The following METTL9 variants were observed in gnomAD, a reference collection of about 807,000 sequenced individuals.
METTL9 encodes the protein methyltransferase 9, His-X-His N1(pi)-histidine, also known as protein-L-histidine N-pros-methyltransferase.
In METTL9, 10 loss-of-function variants were observed where a neutral mutation model predicts 36.0. The observed-to-expected ratio is 0.28, with a 90% CI of 0.17 to 0.47. The LOEUF (loss-of-function observed/expected upper bound fraction) is 0.47, where lower values mean the gene tolerates loss of function less well. Ranked by LOEUF, METTL9 falls within the 20% of genes least tolerant of loss-of-function variation. The pLI is 0.99. For synonymous variants in METTL9, 175 were observed against 149.7 expected, an observed-to-expected ratio of 1.17 and a Z score of -1.23; for missense variants, 246 against 383.5, an observed-to-expected ratio of 0.64 and a Z score of 3.00.
Position 21,599,864 on chromosome 16 carries a change from CG to C in METTL9, c.133del (p.Ala45ArgfsTer41). Reference sequence around the variant, plus strand: ...ATGACTAGCGGCCCGGGTGGGCCGGCGGCGGCCGCGGGCGGCAGGAAGGAGA... The same window carrying C: ...ATGACTAGCGGCCCGGGTGGGCCGGCGCGGCCGCGGGCGGCAGGAAGGAGA... Reference protein sequence around the residue: ...VNMTSGPGGPAAAAGGRKENH... With the variant: ...VNMTSGPGGPXAAAGGRKENH... On this transcript the variant is annotated frameshift_variant, in exon 1 of 5. Coordinates refer to ENST00000358154, the MANE Select transcript of METTL9 (RefSeq NM_016025.5). LOFTEE classifies it high-confidence loss of function. This position sits in a 1 kb window ranked among gnomAD's most constrained non-coding sequence, Gnocchi z 4.4. 6.7e-7 allele frequency: 1 copy of C among 1,485,706 alleles called. No individual in the cohort carries two copies. Among genetic ancestry groups the C allele is most frequent in the Non-Finnish European group, 8.9e-7 (1 of 1,122,704 alleles). The allele number at this position is 1,485,706 out of a possible 1,614,324, so 92.0% of individuals were successfully genotyped here.
rs1167632973 is a variant in METTL9 at position 21,655,345 on chromosome 16, C to T, written c.870C>T (p.Phe290=). The change falls in exon 5 of 5, where the codon TTC becomes TTT. Residue 290 remains phenylalanine, a synonymous_variant. Transcript: ENST00000358154. ...AAGCTGGTTTTGTTATCGAAGCTTT[C>T]ACCAGACTACCATACCTGTGTGAAG... ...FRKAGFVIEA[F]TRLPYLCEGD... The T allele has an allele frequency of 3.7e-6, 6 of 1,614,238 alleles. No individual in the cohort carries two copies. The South Asian group carries it at 5.5e-5, about 15-fold the overall frequency.
At chr16:21,599,297 C>T (rs1195336668), upstream of METTL9, among the ~76,000 whole-genome samples, 2 of 152,176 alleles carry the variant, frequency 1.3e-5, no homozygotes, top group Non-Finnish European at 2.9e-5. This position sits in a 1 kb window ranked among gnomAD's most constrained non-coding sequence, Gnocchi z 4.4. Flanking sequence ...GCAGTTACCG[C>T]CTTCGGAAGT....
At chr16:21,604,011 C>G (rs1415642128) in intron 1 of METTL9, among the ~76,000 whole-genome samples, 2 of 152,164 alleles carry the variant, frequency 1.3e-5, no homozygotes, top group East Asian at 3.8e-4. Flanking sequence ...GAGCCAAACA[C>G]TGTGCTAAAG....
rs760395099 is a variant in METTL9, at chr16:21,612,600, G to A, written c.166-45G>A. 12 of 1,440,818 alleles carry A rather than the reference G, an allele frequency of 8.3e-6. No homozygotes were observed. The South Asian group carries it at 1.1e-4, about 13-fold the overall frequency. 89.3% of individuals were successfully genotyped at this position (1,440,818 alleles called of 1,614,324 possible). ...TTTTGGATTTCTTAGGTGACACTTC[G>A]GTTGTGTGTTTTAATTTTTGTTCTT... On this transcript the variant is annotated intron_variant, in intron 1 of 4. Transcript: ENST00000358154.
At chr16:21,644,084 C>T (rs1181371015) in intron 4 of METTL9, among the ~76,000 whole-genome samples, 2 of 152,114 alleles carry the variant, frequency 1.3e-5, no homozygotes, top group African/African-American at 4.8e-5. Context: ...AAACTATGTC[C>T]CCTGGCTAAT....
chr16:21,635,524 G>GTATTTCACTCCATT (rs1966069498), intron 4 of METTL9, among the ~76,000 whole-genome samples: 1 of 152,116 alleles, frequency 6.6e-6, no homozygotes, highest in Admixed American at 6.6e-5. Context: ...TGGACATAAG[G>GTATTTCACTCCATT]TATTTCACTC....
chr16:21,656,275 T>C lies in METTL9; in HGVS notation c.*843T>C, dbSNP rs1966708110. The C allele has an allele frequency of 6.7e-6, 1 of 150,348 alleles. No homozygotes were observed. Among genetic ancestry groups the C allele is most frequent in the Non-Finnish European group, 1.5e-5 (1 of 67,848 alleles). 9.3% of individuals were successfully genotyped at this position (150,348 alleles called of 1,614,324 possible). On this transcript the variant is annotated 3_prime_UTR_variant, in exon 5 of 5. Transcript: ENST00000358154. ...TGTCCCATACACTGAACTTTGTTTTTTTCTGGACAATCTCAGGTTCTCAGA... is the reference window on the plus strand; with the variant it reads ...TGTCCCATACACTGAACTTTGTTTTCTTCTGGACAATCTCAGGTTCTCAGA...
intron 2 of METTL9, among the ~76,000 whole-genome samples, chr16:21,613,422 A>C (rs117314255): frequency 3.3e-5 from 5 of 151,786 alleles, no homozygotes; most frequent in Admixed American, 1.3e-4. Context: ...CAAGTGATCC[A>C]TCCACCTTTG....
At chr16:21,599,448 G>A, upstream of METTL9, 2 of 1,150,790 alleles carry the variant, frequency 1.7e-6, no homozygotes, top group South Asian at 3.3e-5. The surrounding 1 kb of genome is among the most constrained non-coding windows in gnomAD (Gnocchi z 4.4). Context: ...ATTGGACGGA[G>A]GGAGGGCGCC....
chr16:21,597,978 T>C (rs905068394), upstream of METTL9: 1 of 152,164 alleles, frequency 6.6e-6, no homozygotes, highest in African/African-American at 2.4e-5. Context: ...TTTTTGTTTG[T>C]TGTTACAGCC....
At chr16:21,602,369 G>A (rs533134139) in intron 1 of METTL9, among the ~76,000 whole-genome samples, 1 of 152,242 alleles carries the variant, frequency 6.6e-6, no homozygotes, top group African/African-American at 2.4e-5. Context: ...AGGCTCCTTT[G>A]GGCTAAAGCT....
intron 4 of METTL9, among the ~76,000 whole-genome samples, chr16:21,632,168 TGG>T (rs1488350450): frequency 2.6e-5 from 4 of 152,236 alleles, no homozygotes; most frequent in African/African-American, 4.8e-5. Context: ...AATTGCCTTG[TGG>T]TATTTAATGG....
At chr16:21,613,266 C>T (rs528010221) in intron 2 of METTL9, among the ~76,000 whole-genome samples, 5 of 146,646 alleles carry the variant, frequency 3.4e-5, no homozygotes, top group African/African-American at 1.3e-4. Flanking sequence ...TCACTGCAGC[C>T]TCCGCCTCCC....
At chr16:21,634,699 T>C (rs1966043057) in intron 4 of METTL9, among the ~76,000 whole-genome samples, 1 of 152,194 alleles carries the variant, frequency 6.6e-6, no homozygotes. Context: ...TCCTGATATC[T>C]GCAGCCGATT....
Position 21,625,130 on chromosome 16 carries a change from T to C in METTL9, c.751+15T>C. ...TGTGGAAAACGGTAAGTGTGGTCAG[T>C]CAGGCTAGCTCTTACTGAGGATAGC... On this transcript the variant is annotated intron_variant, in intron 4 of 4. Coordinates refer to ENST00000358154, the MANE Select transcript of METTL9 (RefSeq NM_016025.5). 1 of 1,613,110 alleles carries C rather than the reference T, an allele frequency of 6.2e-7. No individual in the cohort carries two copies.
At position 21,612,856 on chromosome 16, in the gene METTL9, T is replaced by A. The variant is rs1000354054; in HGVS notation, c.356+21T>A. 2.6e-6 allele frequency: 4 copies of A among 1,548,246 alleles called. No individual in the cohort carries two copies. In the East Asian group the frequency reaches 9.3e-5, roughly 36 times the overall value. ...AATGGGTAAGTGAATCTTGGACATT[T>A]ATTTTTTTCTTTATCCTTAGGTTTA... On this transcript the variant is annotated intron_variant, in intron 2 of 4. Coordinates refer to ENST00000358154, the MANE Select transcript of METTL9 (RefSeq NM_016025.5).
At chr16:21,624,894 G>A (rs1965784186) in intron 3 of METTL9, 37 bp from the exon 4 acceptor site, 1 of 1,574,596 alleles carries the variant, frequency 6.4e-7, no homozygotes, top group East Asian at 2.2e-5. Flanking sequence ...TCTTTAGAGG[G>A]ACTTTATGTT....
chr16:21,630,526 A>T (rs779156895), intron 4 of METTL9, among the ~76,000 whole-genome samples: 1 of 152,196 alleles, frequency 6.6e-6, no homozygotes, highest in African/African-American at 2.4e-5. Context: ...TCTAAACAGG[A>T]TACCCCCAAC....
At chr16:21,639,518 G>A (rs539720571) in intron 4 of METTL9, 2 of 152,264 alleles carry the variant, frequency 1.3e-5, no homozygotes, top group Admixed American at 1.3e-4. Flanking sequence ...TCTCAGAGTG[G>A]GGAAGTACAC....
Sources: allele counts gnomAD v4.1 joint callset (sites outside exome capture counted in the v4.1 genomes callset), GRCh38; gene constraint gnomAD v4.1.1; non-coding constraint Gnocchi (gnomAD v3.1); transcripts MANE v1.5; gene names NCBI Gene and HGNC (gene_info 2026-07-23, HGNC 2026-07-21).